The following UST variants were observed in gnomAD, a reference collection of about 807,000 sequenced individuals.
The protein encoded by UST is uronyl 2-sulfotransferase, also known as chondroitin sulfate 2-O-sulfotransferase.
A neutral mutation model predicts 45.6 loss-of-function variants in UST; 21 were observed. The observed-to-expected ratio is 0.46, with a 90% confidence interval of 0.33 to 0.66. UST has a LOEUF of 0.66. UST is among the 30% of genes least tolerant of loss of function. UST has a pLI of 0.02. For missense variants in UST, 463 were observed against 512.4 expected, an observed-to-expected ratio of 0.90 and a Z score of 0.93; for synonymous variants, 215 against 200.6, an observed-to-expected ratio of 1.07 and a Z score of -0.61.
intron 1 of UST, among the ~76,000 whole-genome samples, chr6:148,826,443 T>A (rs1442976171): frequency 6.6e-6 from 1 of 151,994 alleles, no homozygotes; most frequent in African/African-American, 2.4e-5. Flanking sequence ...TTTTTTTTTT[T>A]AAATGAATTA....
intron 2 of UST, among the ~76,000 whole-genome samples, chr6:148,915,023 T>C (rs1779557642): frequency 6.6e-6 from 1 of 152,106 alleles, no homozygotes; most frequent in African/African-American, 2.4e-5. Flanking sequence ...TGGTGCCTTC[T>C]CACATGGTGG....
chr6:148,944,508 T>TACACAC (rs10663979), intron 3 of UST, among the ~76,000 whole-genome samples: 26,012 of 142,394 alleles, frequency 0.18, 2,423 homozygotes, highest in Admixed American at 0.24. Flanking sequence ...GTTGTGATCA[T>TACACAC]ACACACACAC....
chr6:148,870,104 TCACA>T (rs60229120), intron 1 of UST, among the ~76,000 whole-genome samples: 2,030 of 141,068 alleles, frequency 0.014, 34 homozygotes, highest in African/African-American at 0.041. Context: ...TGGTAATGTT[TCACA>T]CACACACACA....
At chr6:148,828,548 G>C (rs1777616786) in intron 1 of UST, among the ~76,000 whole-genome samples, 1 of 152,172 alleles carries the variant, frequency 6.6e-6, no homozygotes, top group African/African-American at 2.4e-5. Context: ...CAGATTGCCT[G>C]GGTTAAAATT....
At position 148,999,226 on chromosome 6, in the gene UST, A is replaced by G. The variant is rs145877808; in HGVS notation, c.682-19913A>G. 1.9e-3 allele frequency among the ~76,000 whole-genome samples: 285 copies of G among 152,308 alleles called. 1 individual carries two copies. The highest frequency in any genetic ancestry group is 6.5e-3 in the African/African-American group (270 of 41,580). ...TGGTGAAATTTTTATGATGTTGTTT[A>G]TTGAAAAACAGTAGTATCATCTGAA... On this transcript the variant is annotated intron_variant, in intron 5 of 7. Coordinates refer to ENST00000367463, the MANE Select transcript of UST (RefSeq NM_005715.3).
chr6:148,775,385 A>G (rs1406358049), intron 1 of UST, among the ~76,000 whole-genome samples: 1 of 152,114 alleles, frequency 6.6e-6, no homozygotes, highest in East Asian at 1.9e-4. Context: ...GTCTTTACCA[A>G]TGGCAGTTTC....
chr6:149,061,964 C>T (rs974076082), intron 7 of UST, among the ~76,000 whole-genome samples: 5 of 152,228 alleles, frequency 3.3e-5, no homozygotes, highest in Non-Finnish European at 5.9e-5. Flanking sequence ...ATTCATACAG[C>T]AAAGTCAGGT....
intron 5 of UST, among the ~76,000 whole-genome samples, chr6:148,989,925 T>C (rs1420212164): frequency 6.6e-6 from 1 of 152,216 alleles, no homozygotes; most frequent in African/African-American, 2.4e-5. Flanking sequence ...GGAATTTAGA[T>C]GGAAGAATGT....
At chr6:148,800,088 T>A (rs1777029173) in intron 1 of UST, among the ~76,000 whole-genome samples, 1 of 152,108 alleles carries the variant, frequency 6.6e-6, no homozygotes, top group South Asian at 2.1e-4. Flanking sequence ...CTTCCATGAG[T>A]CTTTAATTTG....
chr6:148,914,711 C>G (rs1022037038), intron 2 of UST, among the ~76,000 whole-genome samples: 1 of 152,308 alleles, frequency 6.6e-6, no homozygotes, highest in East Asian at 1.9e-4. Flanking sequence ...CACCACTCAC[C>G]TCTTTCTGTG....
chr6:148,873,494 C>T (rs1778596498), intron 1 of UST, among the ~76,000 whole-genome samples: 1 of 152,112 alleles, frequency 6.6e-6, no homozygotes, highest in Admixed American at 6.5e-5. Context: ...GGATGTTGCT[C>T]CCAGAGCTGA....
intron 5 of UST, among the ~76,000 whole-genome samples, chr6:149,002,937 T>A (rs1295799197): frequency 1.3e-5 from 2 of 152,270 alleles, no homozygotes; most frequent in East Asian, 3.9e-4. Context: ...TAAAGGAAAA[T>A]CAATCCAGTT....
chr6:149,057,012 C>G (rs1417317218), intron 7 of UST, among the ~76,000 whole-genome samples: 1 of 152,168 alleles, frequency 6.6e-6, no homozygotes, highest in Non-Finnish European at 1.5e-5. Flanking sequence ...AGGTTGTTGG[C>G]TCTTGAGACT....
intron 2 of UST, among the ~76,000 whole-genome samples, chr6:148,915,156 G>A (rs915019818): frequency 1.1e-4 from 17 of 152,186 alleles, no homozygotes; most frequent in African/African-American, 3.1e-4. Flanking sequence ...ATTAGCTTCC[G>A]GCATATGAAT....
At chr6:148,775,170 A>G (rs1776506983) in intron 1 of UST, among the ~76,000 whole-genome samples, 1 of 152,160 alleles carries the variant, frequency 6.6e-6, no homozygotes, top group Non-Finnish European at 1.5e-5. Context: ...CCCGCCCTCT[A>G]CCTGAGGTAA....
chr6:148,858,488 G>A (rs540565936), intron 1 of UST, among the ~76,000 whole-genome samples: 1 of 134,226 alleles, frequency 7.5e-6, no homozygotes, highest in East Asian at 3.1e-4. Flanking sequence ...AACAACATTT[G>A]CATCTTTCTT....
intron 1 of UST, among the ~76,000 whole-genome samples, chr6:148,816,204 G>A (rs1777350869): frequency 6.6e-6 from 1 of 152,210 alleles, no homozygotes; most frequent in Non-Finnish European, 1.5e-5. Context: ...GCAAACCAAT[G>A]TTTTGTAATG....
chr6:148,846,451 T>C (rs1364711610), intron 1 of UST, among the ~76,000 whole-genome samples: 1 of 150,842 alleles, frequency 6.6e-6, no homozygotes, highest in African/African-American at 2.4e-5. Flanking sequence ...CTGTTGTGGG[T>C]TGGGGGGAGG....
chr6:148,802,782 T>C (rs1006926051), intron 1 of UST, among the ~76,000 whole-genome samples: 2 of 152,240 alleles, frequency 1.3e-5, no homozygotes, highest in African/African-American at 4.8e-5. Context: ...TTCACCCAAA[T>C]AGGCAAGAAC....
Sources: allele counts gnomAD v4.1 joint callset (sites outside exome capture counted in the v4.1 genomes callset), GRCh38; gene constraint gnomAD v4.1.1; transcripts MANE v1.5; gene names NCBI Gene and HGNC (gene_info 2026-07-23, HGNC 2026-07-21).